CSMD3: variants seen among roughly 807,000 people sequenced by gnomAD.
CSMD3 encodes the protein CUB and Sushi multiple domains 3, also known as CUB and sushi domain-containing protein 3.
In CSMD3, 177 loss-of-function variants were observed where a neutral mutation model predicts 435.2. That is an observed-to-expected ratio of 0.41 (90% confidence interval 0.36 to 0.46). The LOEUF is 0.46. Among genes scored for constraint, CSMD3 ranks in the 20% least tolerant of loss-of-function variants. The pLI is 0.34. For missense variants in CSMD3, 4,265 were observed against 4,504.6 expected, an observed-to-expected ratio of 0.95 and a Z score of 1.52; for synonymous variants, 1,656 against 1,520.5, an observed-to-expected ratio of 1.09 and a Z score of -2.07.
In CSMD3 at chr8:112,374,481, G is replaced by A. The variant is rs73326689; in HGVS notation, c.6136+5871C>T. On this transcript the variant is annotated intron_variant, in intron 38 of 70. Coordinates refer to ENST00000297405, the MANE Select transcript of CSMD3 (RefSeq NM_198123.2). ...TTTTATGTCACCAGTGTAGTCAAGTGTACCATTTAGTAAGGTATTTATTAA... is the reference window on the plus strand; with the variant it reads ...TTTTATGTCACCAGTGTAGTCAAGTATACCATTTAGTAAGGTATTTATTAA... Among the ~76,000 whole-genome samples the A allele has an allele frequency of 1.8e-3, 272 of 152,204 alleles. 2 individuals are homozygous for A. Among genetic ancestry groups the A allele is most frequent in the African/African-American group, 6.1e-3 (252 of 41,544 alleles).
At chr8:112,500,804 T>A (rs1036854154) in intron 30 of CSMD3, among the ~76,000 whole-genome samples, 1 of 152,112 alleles carries the variant, frequency 6.6e-6, no homozygotes, top group African/African-American at 2.4e-5. Context: ...GGACTAGGCA[T>A]GTCCAAAATG....
At chr8:113,050,720 G>A (rs905749855) in intron 5 of CSMD3, among the ~76,000 whole-genome samples, 30 of 152,158 alleles carry the variant, frequency 2.0e-4, no homozygotes, top group African/African-American at 6.3e-4. Flanking sequence ...ATGCCCAGAA[G>A]AGACTGCTCT....
Position 112,291,578 on chromosome 8 carries a change from A to C in CSMD3, c.8906T>G (p.Leu2969Ter). The C allele has an allele frequency of 6.2e-7, 1 of 1,611,674 alleles. No homozygotes were observed. The highest frequency in any genetic ancestry group is 8.5e-7 in the Non-Finnish European group (1 of 1,178,184). The change falls in exon 56 of 71, where the codon TTA becomes TGA. Residue 2969 changes from leucine to a stop codon, truncating the protein, a stop_gained. Coordinates refer to ENST00000297405, the MANE Select transcript of CSMD3 (RefSeq NM_198123.2). LOFTEE classifies it high-confidence loss of function. ...ACATATCAAAACTGAAGATCCAAATAAAAAATATCCAGGATTGCAGTCATA... is the reference window on the plus strand; with the variant it reads ...ACATATCAAAACTGAAGATCCAAATCAAAAATATCCAGGATTGCAGTCATA... ...VFYDCNPGYF[L>*]FGSSVLICQP...
intron 27 of CSMD3, among the ~76,000 whole-genome samples, chr8:112,522,494 C>T (rs1460560506): frequency 6.6e-6 from 1 of 151,678 alleles, no homozygotes. Flanking sequence ...TTGCTATGCC[C>T]TAGGAAGAAA....
At chr8:113,345,664 T>C (rs901337048) in intron 1 of CSMD3, among the ~76,000 whole-genome samples, 20 of 152,120 alleles carry the variant, frequency 1.3e-4, no homozygotes, top group African/African-American at 4.3e-4. Context: ...GGAAGACAAA[T>C]ACCTAGTCTT....
chr8:112,694,047 T>C (rs969879164), intron 13 of CSMD3, among the ~76,000 whole-genome samples: 13 of 126,152 alleles, frequency 1.0e-4, no homozygotes, highest in Non-Finnish European at 1.6e-4. Context: ...TATTTCTTAT[T>C]GTTTCATAGT....
chr8:112,703,727 C>T (rs912736822), intron 13 of CSMD3, among the ~76,000 whole-genome samples: 2 of 152,054 alleles, frequency 1.3e-5, no homozygotes, highest in Non-Finnish European at 2.9e-5. Context: ...ACCTCAGCAA[C>T]GGGTTTACAA....
At chr8:112,638,186 T>A (rs899413500) in intron 21 of CSMD3, among the ~76,000 whole-genome samples, 1 of 118,908 alleles carries the variant, frequency 8.4e-6, no homozygotes, top group African/African-American at 3.4e-5. Context: ...AAATTACTAT[T>A]TATTAATTAT....
intron 3 of CSMD3, among the ~76,000 whole-genome samples, chr8:113,258,837 G>A (rs2093404318): frequency 6.6e-6 from 1 of 152,044 alleles, no homozygotes; most frequent in South Asian, 2.1e-4. Context: ...TTTGGTCCAG[G>A]GATGAGACGA....
At chr8:112,980,020 G>C (rs1286547070) in intron 6 of CSMD3, among the ~76,000 whole-genome samples, 1 of 150,746 alleles carries the variant, frequency 6.6e-6, no homozygotes, top group Non-Finnish European at 1.5e-5. Flanking sequence ...ACACATATAA[G>C]TTTGAAATTT....
intron 28 of CSMD3, among the ~76,000 whole-genome samples, chr8:112,508,774 CTCT>C (rs1822794471): frequency 6.6e-6 from 1 of 152,124 alleles, no homozygotes; most frequent in South Asian, 2.1e-4. Flanking sequence ...GAATCAAAGT[CTCT>C]TCTTACTAAA....
chr8:112,873,973 C>G (rs1244450486), intron 10 of CSMD3, among the ~76,000 whole-genome samples: 1 of 151,952 alleles, frequency 6.6e-6, no homozygotes, highest in Admixed American at 6.6e-5. Flanking sequence ...TTTGCTCTTG[C>G]TTCTCTAGTT....
chr8:112,569,551 T>C (rs1403050890), intron 24 of CSMD3, among the ~76,000 whole-genome samples: 1 of 152,210 alleles, frequency 6.6e-6, no homozygotes, highest in Non-Finnish European at 1.5e-5. Context: ...TTTTTCATTT[T>C]ATCTCAGCCA....
chr8:112,319,820 C>G, intron 46 of CSMD3, 81 bp downstream of exon 46: 2 of 969,274 alleles, frequency 2.1e-6, no homozygotes, highest in Non-Finnish European at 3.4e-6. Flanking sequence ...CAGGCTATTA[C>G]TATTCTGTAT....
At chr8:113,338,925 C>A (rs2094097498) in intron 1 of CSMD3, among the ~76,000 whole-genome samples, 1 of 151,760 alleles carries the variant, frequency 6.6e-6, no homozygotes, top group Non-Finnish European at 1.5e-5. Context: ...TTAAGGTTTT[C>A]TTGTCCACAC....
intron 4 of CSMD3, among the ~76,000 whole-genome samples, chr8:113,157,046 A>G (rs1286363732): frequency 6.6e-6 from 1 of 152,134 alleles, no homozygotes; most frequent in Non-Finnish European, 1.5e-5. Flanking sequence ...ACTAACAAAA[A>G]TAAAAACAAA....
intron 2 of CSMD3, among the ~76,000 whole-genome samples, chr8:113,305,529 C>G (rs1447594429): frequency 6.6e-6 from 1 of 152,144 alleles, no homozygotes; most frequent in Non-Finnish European, 1.5e-5. Flanking sequence ...AGTGTTTAAA[C>G]TTGCTTATTG....
chr8:113,205,782 G>T (rs965251317), intron 3 of CSMD3, among the ~76,000 whole-genome samples: 5 of 152,090 alleles, frequency 3.3e-5, no homozygotes, highest in African/African-American at 1.2e-4. Context: ...ATTAATTTAG[G>T]AAAGTAGTGA....
At chr8:112,634,246 A>G (rs1016908968) in intron 22 of CSMD3, among the ~76,000 whole-genome samples, 32 of 152,084 alleles carry the variant, frequency 2.1e-4, no homozygotes, top group Non-Finnish European at 4.1e-4. Flanking sequence ...AAATATGGAA[A>G]AAAAAACAAA....
Sources: gnomAD v4.1 joint callset for allele counts (sites outside exome capture counted in the v4.1 genomes callset) on GRCh38, gnomAD v4.1.1 for gene constraint, MANE v1.5 for transcripts, NCBI Gene and HGNC (gene_info 2026-07-23, HGNC 2026-07-21) for gene names.